The following SLC35D4 variants were observed in gnomAD, a reference collection of about 807,000 sequenced individuals.
SLC35D4 encodes UDP-N-acetylglucosamine transporter SLC35D4.
the SLC35D4 span, among the ~76,000 whole-genome samples, chr18:23,413,561 AT>A: frequency 2.0e-5 from 3 of 152,144 alleles, no homozygotes; most frequent in African/African-American, 7.2e-5. Flanking sequence ...CCAAGGCTAG[AT>A]GTGTCGCTGA....
the SLC35D4 span, among the ~76,000 whole-genome samples, chr18:23,280,145 C>T: frequency 1.3e-5 from 2 of 152,256 alleles, no homozygotes; most frequent in African/African-American, 4.8e-5. Context: ...TGCACCAGAC[C>T]CTGCACTGCA....
the SLC35D4 span, chr18:23,253,661 G>A: frequency 2.3e-6 from 3 of 1,281,220 alleles, no homozygotes; most frequent in Admixed American, 2.0e-5. Context: ...TCAAGATGGG[G>A]GAGTTTTTCT....
chr18:23,270,126 G>T, the SLC35D4 span, among the ~76,000 whole-genome samples: 1 of 152,210 alleles, frequency 6.6e-6, no homozygotes, highest in Admixed American at 6.5e-5. Flanking sequence ...TGGTTTCCTA[G>T]GGCTGGGCCC....
chr18:23,404,000 C>T, the SLC35D4 span, among the ~76,000 whole-genome samples: 2 of 151,864 alleles, frequency 1.3e-5, no homozygotes, highest in Non-Finnish European at 2.9e-5. Flanking sequence ...TGTCTGTAGT[C>T]CCAGCTGCTC....
chr18:23,351,863 G>C, the SLC35D4 span, among the ~76,000 whole-genome samples: 5 of 152,168 alleles, frequency 3.3e-5, no homozygotes, highest in Non-Finnish European at 5.9e-5. Flanking sequence ...CCCCAACCTG[G>C]CCATTTGTCT....
At chr18:23,344,587 CT>C in the SLC35D4 span, among the ~76,000 whole-genome samples, 14 of 134,096 alleles carry the variant, frequency 1.0e-4, no homozygotes, top group South Asian at 1.5e-3. Context: ...TTTTCTTTTT[CT>C]TTTTTTTTCT....
the SLC35D4 span, among the ~76,000 whole-genome samples, chr18:23,327,866 C>G: frequency 7.9e-5 from 12 of 152,232 alleles, no homozygotes; most frequent in East Asian, 1.4e-3. Context: ...ATGATCAAGT[C>G]GGCTTCATCC....
the SLC35D4 span, among the ~76,000 whole-genome samples, chr18:23,421,116 C>T: frequency 5.6e-3 from 846 of 152,058 alleles, 4 homozygotes; most frequent in Non-Finnish European, 6.5e-3. Context: ...TGGTGGTGTA[C>T]GCCTGTAATC....
the SLC35D4 span, among the ~76,000 whole-genome samples, chr18:23,273,364 C>A: frequency 6.6e-6 from 1 of 152,096 alleles, no homozygotes; most frequent in Non-Finnish European, 1.5e-5. Flanking sequence ...GACACTGGGA[C>A]GGTGAATGAG....
chr18:23,287,031 G>A, the SLC35D4 span, among the ~76,000 whole-genome samples: 1,893 of 145,872 alleles, frequency 0.013, 37 homozygotes, highest in African/African-American at 0.038. Context: ...CCCTTACCCC[G>A]CTCAATACCA....
At chr18:23,411,135 A>AGAAGGAAG in the SLC35D4 span, among the ~76,000 whole-genome samples, 10 of 146,546 alleles carry the variant, frequency 6.8e-5, no homozygotes, top group South Asian at 2.3e-4. Context: ...TACAGAAGAA[A>AGAAGGAAG]GAAGGAAGGA....
chr18:23,361,490 T>A, the SLC35D4 span, among the ~76,000 whole-genome samples: 4 of 152,202 alleles, frequency 2.6e-5, no homozygotes, highest in African/African-American at 7.2e-5. Context: ...CCACAGCCAC[T>A]TCAGCAGTGC....
At chr18:23,266,322 C>T in the SLC35D4 span, among the ~76,000 whole-genome samples, 3 of 151,958 alleles carry the variant, frequency 2.0e-5, no homozygotes, top group Non-Finnish European at 4.4e-5. Flanking sequence ...CACAGTAAAC[C>T]CCTGGCCCAG....
the SLC35D4 span, among the ~76,000 whole-genome samples, chr18:23,420,375 T>C: frequency 6.6e-6 from 1 of 152,072 alleles, no homozygotes. Flanking sequence ...AACTTTTCTA[T>C]AGGTAGGAAT....
the SLC35D4 span, among the ~76,000 whole-genome samples, chr18:23,369,684 T>C: frequency 6.6e-6 from 1 of 152,170 alleles, no homozygotes; most frequent in South Asian, 2.1e-4. Context: ...TCTTCACACA[T>C]GGCTAAAGGC....
the SLC35D4 span, among the ~76,000 whole-genome samples, chr18:23,420,085 C>T: frequency 6.6e-6 from 1 of 152,090 alleles, no homozygotes; most frequent in Non-Finnish European, 1.5e-5. Flanking sequence ...GGATGGATCA[C>T]CTGAGGTCGG....
the SLC35D4 span, among the ~76,000 whole-genome samples, chr18:23,304,566 A>G: frequency 6.6e-6 from 1 of 151,392 alleles, no homozygotes; most frequent in African/African-American, 2.4e-5. Context: ...ATAGAAAGAG[A>G]GAGAGGGAGA....
chr18:23,281,947 G>C, the SLC35D4 span, among the ~76,000 whole-genome samples: 1 of 152,236 alleles, frequency 6.6e-6, no homozygotes. Flanking sequence ...ATGAACGGCT[G>C]ATTGTAATCA....
chr18:23,309,768 G>A, the SLC35D4 span: 8 of 1,609,104 alleles, frequency 5.0e-6, no homozygotes, highest in East Asian at 1.8e-4. Flanking sequence ...TTCAACACAA[G>A]GTCATCATAC....
Sources: allele counts gnomAD v4.1 joint callset (sites outside exome capture counted in the v4.1 genomes callset), GRCh38; gene constraint gnomAD v4.1.1; transcripts MANE v1.5; gene names NCBI Gene and HGNC (gene_info 2026-07-23, HGNC 2026-07-21).